The following PATL2 variants were observed in gnomAD, a reference collection of about 807,000 sequenced individuals.
PATL2 encodes PAT1 homolog 2, also known as protein PAT1 homolog 2.
PATL2 carries 73 observed loss-of-function variants against 77.0 expected under a neutral mutation model. The observed-to-expected ratio is 0.95, with a 90% CI of 0.78 to 1.15. The LOEUF is 1.15. Among genes scored for constraint, PATL2 ranks in the 50% most tolerant of loss-of-function variants. The probability of loss-of-function intolerance (pLI) is 0.00; values close to 1 mark genes in which losing one functional copy is unlikely to be tolerated. For synonymous variants in PATL2, 265 were observed against 257.1 expected (o/e 1.03, Z -0.29); for missense variants, 618 against 655.4 (o/e 0.94, Z 0.62).
chr15:44,671,957 G>A lies in PATL2; in HGVS notation c.657+58C>T. On this transcript the variant is annotated intron_variant, in intron 9 of 17. Coordinates refer to ENST00000682850, the MANE Select transcript of PATL2 (RefSeq NM_001387263.1). ...CGAAGAGAGGATCAGAGCGGGCCCG[G>A]GAGTCCAGGCCCATTTGACCCAAGG... 4 of 1,540,508 alleles carry A rather than the reference G, an allele frequency of 2.6e-6. No individual in the cohort carries two copies. In the Admixed American group the frequency reaches 7.9e-5, roughly 30 times the overall value.
chr15:44,682,748 G>A (rs1307373493), intron 3 of PATL2, among the ~76,000 whole-genome samples: 1 of 152,226 alleles, frequency 6.6e-6, no homozygotes, highest in Admixed American at 6.5e-5. Flanking sequence ...CAAAGTAAAT[G>A]CTAGATGGAG....
chr15:44,700,236 T>C (rs1480658658), intron 3 of PATL2, among the ~76,000 whole-genome samples: 1 of 152,168 alleles, frequency 6.6e-6, no homozygotes, highest in African/African-American at 2.4e-5. Context: ...AGGTATTTAA[T>C]ATTAGGTATT....
In PATL2 at chr15:44,711,039, T is replaced by G. The variant is rs2086850882; in HGVS notation, c.-273A>C. ...TCTTACCCAGAGAATGGAGAAACCCTGCAGGGAATTCCCAAGCTGTAGTTA... is the reference window on the plus strand; with the variant it reads ...TCTTACCCAGAGAATGGAGAAACCCGGCAGGGAATTCCCAAGCTGTAGTTA... On this transcript the variant is annotated 5_prime_UTR_variant, in exon 1 of 18. Coordinates refer to ENST00000682850, the MANE Select transcript of PATL2 (RefSeq NM_001387263.1). 12 of 241,524 alleles carry G rather than the reference T, an allele frequency of 5.0e-5. No homozygotes were observed. The South Asian group carries it at 5.2e-4, about 10-fold the overall frequency. 15.0% of individuals were successfully genotyped at this position (241,524 alleles called of 1,614,324 possible).
chr15:44,680,049 G>A (rs1040156052), intron 3 of PATL2, among the ~76,000 whole-genome samples: 1 of 152,150 alleles, frequency 6.6e-6, no homozygotes, highest in Non-Finnish European at 1.5e-5. Flanking sequence ...CTGGATCTGG[G>A]ATCTGCTCCC....
Position 44,707,118 on chromosome 15 carries a change from C to T in PATL2, c.-76+2978G>A, listed in dbSNP as rs568024285. ...GGCTCTGCAGTAAGCTTGTGGTGAA[C>T]GCTGCCCAGCCTGGGACTCACCCTT... On this transcript the variant is annotated intron_variant, in intron 3 of 17. Transcript: ENST00000682850. Among the ~76,000 whole-genome samples the T allele has an allele frequency of 4.6e-5, 7 of 152,012 alleles. No individual in the cohort carries two copies. The South Asian group carries it at 1.0e-3, about 23-fold the overall frequency.
chr15:44,706,053 G>T (rs1339815793), intron 3 of PATL2, among the ~76,000 whole-genome samples: 1 of 152,072 alleles, frequency 6.6e-6, no homozygotes. Context: ...ACCCACCTTG[G>T]CCTCCCAGAA....
Position 44,673,347 on chromosome 15 carries a change from A to G in PATL2, c.334T>C (p.Trp112Arg). The G allele has an allele frequency of 1.3e-6, 2 of 1,551,742 alleles. No individual in the cohort carries two copies. The highest frequency in any genetic ancestry group is 1.7e-6 in the Non-Finnish European group (2 of 1,146,988). The part of the protein sequence containing the change: ...TLDYLSPIPF[W>R]PTFPSTSSPA... ...GAGCTGGTGCTGGGAAATGTAGGCC[A>G]GAAAGGGATGGGCGACAGGTAGTCC... Residue 112 changes from tryptophan to arginine, a missense_variant, in exon 7 of 18, where the codon TGG becomes CGG. Physicochemically the swap from Trp to Arg is moderately radical, Grantham distance 101 (BLOSUM62 -3). Coordinates refer to ENST00000682850, the MANE Select transcript of PATL2 (RefSeq NM_001387263.1).
At chr15:44,669,896 T>C in intron 10 of PATL2, 22 bp from the exon 11 acceptor site, 2 of 1,551,158 alleles carry the variant, frequency 1.3e-6, no homozygotes. Flanking sequence ...GAGAGGCACA[T>C]TTCCTTCCCC....
Position 44,693,659 on chromosome 15 carries a change from T to A in PATL2, c.-76+16437A>T, listed in dbSNP as rs1319783958. 9.4e-4 allele frequency among the ~76,000 whole-genome samples: 143 copies of A among 152,094 alleles called. 1 individual carries two copies. Among genetic ancestry groups the A allele is most frequent in the Non-Finnish European group, 1.0e-4 (7 of 68,000 alleles). On this transcript the variant is annotated intron_variant, in intron 3 of 17. Transcript: ENST00000682850. ...GCATTATTCTGCCTACCACAAGGCA[T>A]GATATAGAGAAAAGTCCAAAAAATG...
Sources: gnomAD v4.1 joint callset for allele counts (sites outside exome capture counted in the v4.1 genomes callset) on GRCh38, gnomAD v4.1.1 for gene constraint, MANE v1.5 for transcripts, NCBI Gene and HGNC (gene_info 2026-07-23, HGNC 2026-07-21) for gene names.